NRXN3: variants seen among roughly 807,000 people sequenced by gnomAD.
The protein encoded by NRXN3 is neurexin 3.
A neutral mutation model predicts 137.6 loss-of-function variants in NRXN3; 32 were observed. The observed-to-expected ratio is 0.23, with a 90% confidence interval of 0.18 to 0.31. NRXN3 has a LOEUF of 0.31. Ranked by LOEUF, NRXN3 falls within the 10% of genes least tolerant of loss-of-function variation. The probability of loss-of-function intolerance (pLI) is 1.00; values close to 1 mark genes in which losing one functional copy is unlikely to be tolerated. For synonymous variants in NRXN3, 798 were observed against 784.5 expected (o/e 1.02, Z -0.29); for missense variants, 1,574 against 2,062.5 (o/e 0.76, Z 4.59).
intron 19 of NRXN3, among the ~76,000 whole-genome samples, chr14:79,718,908 C>T (rs531896818): frequency 6.6e-6 from 1 of 152,180 alleles, no homozygotes; most frequent in East Asian, 1.9e-4. Flanking sequence ...TCAACCTGGT[C>T]TTAGAAGACT....
In NRXN3 at chr14:78,926,935, TATA is replaced by T. The variant is rs1386783822; in HGVS notation, c.2276-30306_2276-30304del. Among the ~76,000 whole-genome samples, 2 of 31,168 alleles carry T rather than the reference TATA, an allele frequency of 6.4e-5. 1 individual carries two copies. Among genetic ancestry groups the T allele is most frequent in the African/African-American group, 8.8e-4 (2 of 2,278 alleles). 20.4% of individuals were successfully genotyped at this position (31,168 alleles called of 152,430 possible). On this transcript the variant is annotated intron_variant, in intron 10 of 20. Transcript: ENST00000335750. ...ATATATATATAATATATAATATATT[TATA>T]TATATATATAATATATATAATATAT...
intron 16 of NRXN3, among the ~76,000 whole-genome samples, chr14:79,500,569 C>G (rs900021659): frequency 6.6e-6 from 1 of 152,150 alleles, no homozygotes; most frequent in Non-Finnish European, 1.5e-5. Context: ...AATTGCTGTC[C>G]TTTCATCTTT....
At chr14:78,605,186 C>T (rs2097238821) in intron 4 of NRXN3, among the ~76,000 whole-genome samples, 1 of 152,154 alleles carries the variant, frequency 6.6e-6, no homozygotes, top group Non-Finnish European at 1.5e-5. Flanking sequence ...ATCATCTTCC[C>T]TCAGGCTCAA....
chr14:79,656,146 G>T (rs985641246), intron 16 of NRXN3, among the ~76,000 whole-genome samples: 2 of 152,204 alleles, frequency 1.3e-5, no homozygotes, highest in Non-Finnish European at 2.9e-5. Flanking sequence ...TGTTGTTAGT[G>T]TGAGCACAGG....
chr14:78,393,030 G>A (rs2090978567), intron 4 of NRXN3, among the ~76,000 whole-genome samples: 1 of 152,088 alleles, frequency 6.6e-6, no homozygotes, highest in Non-Finnish European at 1.5e-5. Context: ...TTAGGAGAAA[G>A]GAAGTTCTGA....
At chr14:78,918,986 T>C (rs1475599985) in intron 10 of NRXN3, among the ~76,000 whole-genome samples, 1 of 152,206 alleles carries the variant, frequency 6.6e-6, no homozygotes, top group Non-Finnish European at 1.5e-5. Flanking sequence ...ATTGAGAATA[T>C]GAATACACAT....
intron 15 of NRXN3, among the ~76,000 whole-genome samples, chr14:79,171,818 T>G (rs2061808770): frequency 6.6e-6 from 1 of 150,890 alleles, no homozygotes; most frequent in African/African-American, 2.4e-5. Context: ...TTATTTTATT[T>G]GTTTTTTTTT....
At chr14:79,250,046 C>G (rs990263436) in intron 15 of NRXN3, among the ~76,000 whole-genome samples, 1 of 152,154 alleles carries the variant, frequency 6.6e-6, no homozygotes, top group Non-Finnish European at 1.5e-5. Context: ...TCTGTAAGTG[C>G]TACCAGCTGG....
chr14:79,722,306 A>T (rs1029471222), intron 19 of NRXN3, among the ~76,000 whole-genome samples: 3 of 152,054 alleles, frequency 2.0e-5, no homozygotes, highest in Admixed American at 1.3e-4. Flanking sequence ...TTTGCAGCGC[A>T]TGTATGAGTA....
At chr14:79,423,893 T>C (rs1047751809) in intron 15 of NRXN3, among the ~76,000 whole-genome samples, 6 of 152,204 alleles carry the variant, frequency 3.9e-5, no homozygotes, top group Non-Finnish European at 8.8e-5. Flanking sequence ...AAAGTTGAAA[T>C]GATGCTAACT....
At chr14:78,297,460 G>T (rs146898655) in intron 3 of NRXN3, among the ~76,000 whole-genome samples, 1 of 152,150 alleles carries the variant, frequency 6.6e-6, no homozygotes. Flanking sequence ...TTTACCTGGC[G>T]TCTTAAGTCT....
At chr14:79,610,247 C>T (rs1301640016) in intron 16 of NRXN3, among the ~76,000 whole-genome samples, 1 of 152,132 alleles carries the variant, frequency 6.6e-6, no homozygotes, top group Non-Finnish European at 1.5e-5. Flanking sequence ...TAGCCTTTAA[C>T]CGTTTCCTTT....
intron 19 of NRXN3, among the ~76,000 whole-genome samples, chr14:79,709,015 G>A (rs750497436): frequency 6.6e-6 from 1 of 152,036 alleles, no homozygotes; most frequent in Non-Finnish European, 1.5e-5. Flanking sequence ...GAGAGAGGGA[G>A]GATGCTCGTG....
intron 10 of NRXN3, among the ~76,000 whole-genome samples, chr14:78,898,846 T>C (rs1401660032): frequency 6.6e-6 from 1 of 151,918 alleles, no homozygotes; most frequent in South Asian, 2.1e-4. Flanking sequence ...TTCTCAACCA[T>C]CATATTGAAA....
chr14:79,197,514 T>G (rs555930932), intron 15 of NRXN3, among the ~76,000 whole-genome samples: 1 of 141,758 alleles, frequency 7.1e-6, no homozygotes, highest in South Asian at 2.4e-4. Context: ...TTATCTACTG[T>G]TTTTTCTTCT....
At chr14:78,881,473 G>A (rs540841103) in intron 10 of NRXN3, among the ~76,000 whole-genome samples, 4 of 151,712 alleles carry the variant, frequency 2.6e-5, no homozygotes, top group African/African-American at 7.3e-5. Context: ...AGATGGAGAT[G>A]AGGAACTTGT....
At chr14:78,742,588 T>G (rs1362344964) in intron 8 of NRXN3, among the ~76,000 whole-genome samples, 1 of 152,200 alleles carries the variant, frequency 6.6e-6, no homozygotes, top group Non-Finnish European at 1.5e-5. Context: ...GAATGATTCT[T>G]GGAACTTTGA....
At chr14:78,894,452 G>A (rs907746231) in intron 10 of NRXN3, among the ~76,000 whole-genome samples, 3 of 151,848 alleles carry the variant, frequency 2.0e-5, no homozygotes, top group African/African-American at 7.3e-5. Flanking sequence ...TTCAGTCACA[G>A]CTTCAGTTTC....
chr14:78,447,481 G>A (rs1401303157), intron 4 of NRXN3, among the ~76,000 whole-genome samples: 1 of 152,222 alleles, frequency 6.6e-6, no homozygotes, highest in African/African-American at 2.4e-5. Flanking sequence ...GCAAGTGGCT[G>A]TATGGCTGTA....
Sources: gnomAD v4.1 joint callset for allele counts (sites outside exome capture counted in the v4.1 genomes callset) on GRCh38, gnomAD v4.1.1 for gene constraint, MANE v1.5 for transcripts, NCBI Gene and HGNC (gene_info 2026-07-23, HGNC 2026-07-21) for gene names.